The following ADAMTS16 variants were observed in gnomAD, a reference collection of about 807,000 sequenced individuals.
ADAMTS16 encodes ADAM metallopeptidase with thrombospondin type 1 motif 16.
A neutral mutation model predicts 145.8 loss-of-function variants in ADAMTS16; 94 were observed. That is an observed-to-expected ratio of 0.64 (90% CI 0.55 to 0.77). ADAMTS16 has a LOEUF of 0.77. Among genes scored for constraint, ADAMTS16 ranks in the 30% least tolerant of loss-of-function variants. The pLI is 0.00. For synonymous variants in ADAMTS16, 659 were observed against 604.3 expected, an observed-to-expected ratio of 1.09 and a Z score of -1.33; for missense variants, 1,585 against 1,591.5, an observed-to-expected ratio of 1.00 and a Z score of 0.07.
At position 5,203,578 on chromosome 5, in the gene ADAMTS16, G is replaced by GA. The variant is rs528714960; in HGVS notation, c.1451+3310dup. 1.6e-3 allele frequency among the ~76,000 whole-genome samples: 245 copies of GA among 152,316 alleles called. 1 individual carries two copies. The highest frequency in any genetic ancestry group is 5.6e-3 in the African/African-American group (233 of 41,560). On this transcript the variant is annotated intron_variant, in intron 9 of 22. Transcript: ENST00000274181. ...ATTCTTGGTAGAGTTATGAAGGCTT[G>GA]ATAGTTTTTTGGAGTGAATTCATCA...
At chr5:5,215,790 TGTGTG>T (rs1736410897) in intron 10 of ADAMTS16, among the ~76,000 whole-genome samples, 1 of 46,152 alleles carries the variant, frequency 2.2e-5, no homozygotes, top group African/African-American at 1.8e-4. Flanking sequence ...GGTATATATA[TGTGTG>T]GTATATATAT....
At chr5:5,250,849 G>A (rs1041028000) in intron 17 of ADAMTS16, among the ~76,000 whole-genome samples, 20 of 152,114 alleles carry the variant, frequency 1.3e-4, no homozygotes, top group Admixed American at 1.0e-3. Flanking sequence ...ATGAATCAAA[G>A]TAAAACCAAA....
chr5:5,318,454 T>C (rs977181735), intron 22 of ADAMTS16, among the ~76,000 whole-genome samples, 173 bp downstream of exon 22: 12 of 152,310 alleles, frequency 7.9e-5, no homozygotes, highest in African/African-American at 2.9e-4. Flanking sequence ...CCGGGCTGCC[T>C]CTCATGATGC....
At chr5:5,285,824 T>C (rs1407526110) in intron 18 of ADAMTS16, among the ~76,000 whole-genome samples, 1 of 152,238 alleles carries the variant, frequency 6.6e-6, no homozygotes, top group Admixed American at 6.5e-5. Flanking sequence ...ATTAGATATC[T>C]GCATTCAACT....
At chr5:5,145,089 A>G (rs1312415750) in intron 2 of ADAMTS16, among the ~76,000 whole-genome samples, 1 of 152,212 alleles carries the variant, frequency 6.6e-6, no homozygotes, top group African/African-American at 2.4e-5. Context: ...CGCGGAGATT[A>G]TGAGCCTACC....
chr5:5,144,152 C>A (rs1445536446), intron 2 of ADAMTS16, among the ~76,000 whole-genome samples: 1 of 152,092 alleles, frequency 6.6e-6, no homozygotes, highest in African/African-American at 2.4e-5. Flanking sequence ...GTCACATGCT[C>A]ACTAGCGAAC....
chr5:5,314,100 T>C (rs756526625), intron 21 of ADAMTS16, among the ~76,000 whole-genome samples: 3 of 152,200 alleles, frequency 2.0e-5, no homozygotes, highest in South Asian at 2.1e-4. Flanking sequence ...AATGAGGCCA[T>C]TGAGGTCTCT....
In ADAMTS16 at chr5:5,303,762, C is replaced by A. The variant is rs1473917834; in HGVS notation, c.3182C>A (p.Ser1061Tyr). 1.9e-6 allele frequency: 3 copies of A among 1,612,672 alleles called. No homozygotes were observed. The highest frequency in any genetic ancestry group is 2.7e-5 in the African/African-American group (2 of 75,010). Residue 1061 changes from serine to tyrosine, a missense_variant, in exon 20 of 23, where the codon TCC (serine) becomes TAC (tyrosine). By Grantham distance (144) the Ser-to-Tyr change is moderately radical (BLOSUM62 -2). Coordinates refer to ENST00000274181, the MANE Select transcript of ADAMTS16 (RefSeq NM_139056.4). ...CTGCAGTGGCTGGTGTCCGCCTGGT[C>A]CCAGGTAGGTGCACTGGTCTCGCGG... ...KKLQWLVSAW[S>Y]QCSVTCERGT... is the part of the protein sequence containing the mutation.
chr5:5,175,397 CG>C (rs1426571000), intron 3 of ADAMTS16, among the ~76,000 whole-genome samples: 5 of 152,116 alleles, frequency 3.3e-5, no homozygotes, highest in African/African-American at 1.2e-4. Context: ...ACAAAGTGCT[CG>C]TTAAACTTTT....
At chr5:5,153,307 C>T (rs116753974) in intron 3 of ADAMTS16, among the ~76,000 whole-genome samples, 2,815 of 152,284 alleles carry the variant, frequency 0.018, 75 homozygotes, top group African/African-American at 0.064. Flanking sequence ...TATTTATTTA[C>T]AGGTTTTTTA....
chr5:5,309,390 T>C (rs74928419), intron 21 of ADAMTS16, among the ~76,000 whole-genome samples: 2 of 152,220 alleles, frequency 1.3e-5, no homozygotes, highest in Non-Finnish European at 2.9e-5. Context: ...ATTTCAGGGA[T>C]GTGCAACCCA....
chr5:5,230,678 A>G (rs1445011291), intron 11 of ADAMTS16, among the ~76,000 whole-genome samples: 1 of 152,236 alleles, frequency 6.6e-6, no homozygotes, highest in Non-Finnish European at 1.5e-5. Flanking sequence ...CAAAACAGTG[A>G]AAGCTATTAC....
chr5:5,141,943 T>C (rs1217298012), intron 2 of ADAMTS16, among the ~76,000 whole-genome samples: 1 of 152,204 alleles, frequency 6.6e-6, no homozygotes, highest in African/African-American at 2.4e-5. Context: ...ATCTGTCCAT[T>C]TACAGACTAT....
At position 5,208,426 on chromosome 5, in the gene ADAMTS16, C is replaced by A. The variant is rs576006553; in HGVS notation, c.1452-667C>A. The stretch of plus-strand genomic sequence containing the variant: ...CACTTTCCCAAATGCATAAATTATA[C>A]CAAAGAACATCCTGGAAGAGAAGAG... On this transcript the variant is annotated intron_variant, in intron 9 of 22. Coordinates refer to ENST00000274181, the MANE Select transcript of ADAMTS16 (RefSeq NM_139056.4). Among the ~76,000 whole-genome samples, 4 of 152,220 alleles carry A rather than the reference C, an allele frequency of 2.6e-5. 1 individual carries two copies. In the South Asian group the frequency reaches 8.3e-4, roughly 32 times the overall value.
At chr5:5,313,581 G>A (rs1740543155) in intron 21 of ADAMTS16, among the ~76,000 whole-genome samples, 1 of 152,170 alleles carries the variant, frequency 6.6e-6, no homozygotes, top group Non-Finnish European at 1.5e-5. Flanking sequence ...TGTGGGGGGT[G>A]GGGGCTGGCT....
At chr5:5,242,692 CA>C (rs1277305534) in intron 17 of ADAMTS16, among the ~76,000 whole-genome samples, 1 of 152,022 alleles carries the variant, frequency 6.6e-6, no homozygotes, top group Non-Finnish European at 1.5e-5. Flanking sequence ...ATGAAAACAT[CA>C]AGAAAAAAAC....
At chr5:5,298,507 G>A (rs562416350) in intron 18 of ADAMTS16, among the ~76,000 whole-genome samples, 1 of 152,126 alleles carries the variant, frequency 6.6e-6, no homozygotes, top group Non-Finnish European at 1.5e-5. Flanking sequence ...AAGGCCCTTG[G>A]CCACCTGCCA....
intron 8 of ADAMTS16, among the ~76,000 whole-genome samples, chr5:5,193,162 T>TGTGTGTGC (rs1383577452): frequency 6.5e-5 from 7 of 106,972 alleles, no homozygotes; most frequent in South Asian, 7.0e-4. Context: ...TGTGTGTGTG[T>TGTGTGTGC]GCGCGCGCGC....
At chr5:5,192,663 TAGG>T (rs1005790524) in intron 8 of ADAMTS16, among the ~76,000 whole-genome samples, 2 of 152,200 alleles carry the variant, frequency 1.3e-5, no homozygotes, top group African/African-American at 2.4e-5. Flanking sequence ...AGGCCAGTCC[TAGG>T]TTGGCGGTCT....
Sources: allele counts gnomAD v4.1 joint callset (sites outside exome capture counted in the v4.1 genomes callset), GRCh38; gene constraint gnomAD v4.1.1; transcripts MANE v1.5; gene names NCBI Gene and HGNC (gene_info 2026-07-23, HGNC 2026-07-21).